The following TAFA1 variants were observed in gnomAD, a reference collection of about 807,000 sequenced individuals.
TAFA1 encodes TAFA chemokine like family member 1.
In TAFA1, 4 loss-of-function variants were observed where a neutral mutation model predicts 18.5. The ratio of observed to expected loss-of-function variants is 0.22; its 90% confidence interval spans 0.11 to 0.49. TAFA1 has a LOEUF of 0.49. Among genes scored for constraint, TAFA1 ranks in the 20% least tolerant of loss-of-function variants. TAFA1 has a pLI of 0.98. For synonymous variants in TAFA1, 56 were observed against 55.2 expected, an observed-to-expected ratio of 1.01 and a Z score of -0.06; for missense variants, 147 against 169.0, an observed-to-expected ratio of 0.87 and a Z score of 0.72.
chr3:68,039,743 C>G (rs570468255), intron 2 of TAFA1, among the ~76,000 whole-genome samples: 1 of 152,202 alleles, frequency 6.6e-6, no homozygotes, highest in East Asian at 1.9e-4. Context: ...GCAAATGAGA[C>G]AGGGAAGGGA....
chr3:68,040,514 C>T (rs984960770), intron 2 of TAFA1, among the ~76,000 whole-genome samples: 2 of 152,066 alleles, frequency 1.3e-5, no homozygotes, highest in Admixed American at 6.5e-5. Context: ...ATATTAATAC[C>T]GACTAAAGAG....
intron 2 of TAFA1, among the ~76,000 whole-genome samples, chr3:68,152,293 G>T (rs2065815036): frequency 6.6e-6 from 1 of 152,144 alleles, no homozygotes; most frequent in African/African-American, 2.4e-5. Flanking sequence ...CAGATTCTTT[G>T]GGTGCAGAGC....
chr3:68,345,242 C>A (rs2069146264), intron 2 of TAFA1, among the ~76,000 whole-genome samples: 1 of 152,096 alleles, frequency 6.6e-6, no homozygotes, highest in South Asian at 2.1e-4. Context: ...CAGGAGGTCA[C>A]AATGGACTGG....
chr3:68,459,021 C>A (rs559820461), intron 3 of TAFA1, among the ~76,000 whole-genome samples: 1 of 152,268 alleles, frequency 6.6e-6, no homozygotes, highest in South Asian at 2.1e-4. Context: ...ACAGTCATTG[C>A]AAAGCATTAG....
chr3:68,014,096 A>G (rs1704525251), intron 2 of TAFA1, among the ~76,000 whole-genome samples: 1 of 152,200 alleles, frequency 6.6e-6, no homozygotes, highest in South Asian at 2.1e-4. Flanking sequence ...ATCCAAGCTG[A>G]ATCTGTGTAC....
chr3:68,536,842 G>C (rs1007749411), intron 3 of TAFA1, among the ~76,000 whole-genome samples: 1 of 152,064 alleles, frequency 6.6e-6, no homozygotes, highest in Non-Finnish European at 1.5e-5. Context: ...ACTTTTGATA[G>C]TTCCCCCCAC....
At chr3:68,310,446 A>G (rs72626950) in intron 2 of TAFA1, among the ~76,000 whole-genome samples, 3,939 of 152,304 alleles carry the variant, frequency 0.026, 90 homozygotes, top group East Asian at 0.097. Flanking sequence ...AAAACTATGT[A>G]TAAGTTTTAG....
intron 2 of TAFA1, among the ~76,000 whole-genome samples, chr3:68,152,030 C>A (rs950777313): frequency 6.6e-6 from 1 of 152,098 alleles, no homozygotes. Context: ...TCTTACAAAG[C>A]CCTCTATGAT....
At chr3:68,089,707 A>G (rs1416576040) in intron 2 of TAFA1, among the ~76,000 whole-genome samples, 1 of 152,176 alleles carries the variant, frequency 6.6e-6, no homozygotes, top group Non-Finnish European at 1.5e-5. Flanking sequence ...CTAGATGGAA[A>G]TGTTAACTAG....
chr3:68,444,808 ATAT>A, intron 3 of TAFA1, among the ~76,000 whole-genome samples: 4 of 132,210 alleles, frequency 3.0e-5, no homozygotes, highest in Non-Finnish European at 4.9e-5. Flanking sequence ...ATATATATAT[ATAT>A]AAAATAAATT....
At chr3:68,321,386 G>A (rs1415640517) in intron 2 of TAFA1, among the ~76,000 whole-genome samples, 1 of 152,102 alleles carries the variant, frequency 6.6e-6, no homozygotes, top group Non-Finnish European at 1.5e-5. Flanking sequence ...TGTTAGTATG[G>A]CCATCTCCTC....
At chr3:68,296,574 CAA>C (rs5849817) in intron 2 of TAFA1, among the ~76,000 whole-genome samples, 54 of 149,448 alleles carry the variant, frequency 3.6e-4, no homozygotes, top group African/African-American at 4.4e-4. Context: ...GATACTTACT[CAA>C]AAAAAAAAAA....
chr3:68,031,907 C>T (rs988499646), intron 2 of TAFA1, among the ~76,000 whole-genome samples: 2 of 152,038 alleles, frequency 1.3e-5, no homozygotes, highest in Non-Finnish European at 1.5e-5. Flanking sequence ...CATTGGGACG[C>T]GTTTTTTAAT....
chr3:68,416,283 A>G (rs764047275), intron 2 of TAFA1, among the ~76,000 whole-genome samples: 9 of 152,146 alleles, frequency 5.9e-5, no homozygotes, highest in Non-Finnish European at 7.3e-5. Flanking sequence ...CTAAGTGTCC[A>G]TATGTATCCT....
chr3:68,161,806 A>G (rs1275473974), intron 2 of TAFA1, among the ~76,000 whole-genome samples: 2 of 152,092 alleles, frequency 1.3e-5, no homozygotes, highest in African/African-American at 2.4e-5. Context: ...TGGAGACTTG[A>G]TCATTTCTCC....
chr3:68,479,896 A>AC (rs2072197665), intron 3 of TAFA1, among the ~76,000 whole-genome samples: 2 of 151,976 alleles, frequency 1.3e-5, no homozygotes, highest in African/African-American at 2.4e-5. Context: ...ACACACACAC[A>AC]AACACACACA....
intron 3 of TAFA1, among the ~76,000 whole-genome samples, chr3:68,449,270 C>G (rs76427949): frequency 6.5e-4 from 99 of 152,208 alleles, no homozygotes; most frequent in African/African-American, 1.9e-3. Context: ...CAGCATCATA[C>G]AGAGCACAGA....
chr3:68,331,677 A>G (rs1484553556), intron 2 of TAFA1, among the ~76,000 whole-genome samples: 1 of 152,100 alleles, frequency 6.6e-6, no homozygotes, highest in Non-Finnish European at 1.5e-5. Context: ...TTGAGCAAGA[A>G]CAACAGATAT....
intron 2 of TAFA1, among the ~76,000 whole-genome samples, chr3:68,175,721 C>T (rs962024333): frequency 6.6e-6 from 1 of 152,042 alleles, no homozygotes; most frequent in East Asian, 1.9e-4. Flanking sequence ...AGACTTTGGA[C>T]CGTGGGCTTT....
Sources: gnomAD v4.1 joint callset for allele counts (sites outside exome capture counted in the v4.1 genomes callset) on GRCh38, gnomAD v4.1.1 for gene constraint, MANE v1.5 for transcripts, NCBI Gene and HGNC (gene_info 2026-07-23, HGNC 2026-07-21) for gene names.